KHDRBS2: variants seen among roughly 807,000 people sequenced by gnomAD.
The protein encoded by KHDRBS2 is KH RNA binding domain containing, signal transduction associated 2.
Under a neutral mutation model 44.3 loss-of-function variants are expected in KHDRBS2, and 26 were observed. That is an observed-to-expected ratio of 0.59 (90% CI 0.43 to 0.81). KHDRBS2 has a LOEUF of 0.81. Among genes scored for constraint, KHDRBS2 ranks in the 40% least tolerant of loss-of-function variants. The pLI is 0.00. For synonymous variants in KHDRBS2, 194 were observed against 151.1 expected (o/e 1.28, Z -2.08); for missense variants, 476 against 433.1 (o/e 1.10, Z -0.88).
intron 7 of KHDRBS2, among the ~76,000 whole-genome samples, chr6:61,724,246 AT>A (rs1773176105): frequency 6.6e-6 from 1 of 152,124 alleles, no homozygotes; most frequent in Admixed American, 6.6e-5. Context: ...AAATAAGATC[AT>A]TTTCAGACAA....
rs557769954 is a variant in KHDRBS2 at position 61,880,329 on chromosome 6, C to T, written c.810+14306G>A. On this transcript the variant is annotated intron_variant, in intron 6 of 8. Coordinates refer to ENST00000281156, the MANE Select transcript of KHDRBS2 (RefSeq NM_152688.4). Reference sequence around the variant, plus strand: ...TGGAGGAAAATTGTTAATTTGGGAGCAAATTTTAATGGAGGAGATTGCATT... The same window carrying T: ...TGGAGGAAAATTGTTAATTTGGGAGTAAATTTTAATGGAGGAGATTGCATT... 2.0e-5 allele frequency among the ~76,000 whole-genome samples: 3 copies of T among 151,800 alleles called. No individual in the cohort carries two copies. In the South Asian group the frequency reaches 6.2e-4, roughly 32 times the overall value.
intron 6 of KHDRBS2, among the ~76,000 whole-genome samples, chr6:61,772,620 T>C (rs1037240433): frequency 6.6e-6 from 1 of 152,028 alleles, no homozygotes; most frequent in Admixed American, 6.6e-5. Context: ...CAGGAAGAAG[T>C]TGATTCTCTT....
chr6:61,770,827 T>G (rs1780759140), intron 6 of KHDRBS2, among the ~76,000 whole-genome samples: 1 of 151,944 alleles, frequency 6.6e-6, no homozygotes, highest in Admixed American at 6.6e-5. Flanking sequence ...ATTCAGGAAA[T>G]ACAGAGAACG....
intron 1 of KHDRBS2, among the ~76,000 whole-genome samples, chr6:62,218,355 A>G (rs1415151916): frequency 6.6e-6 from 1 of 151,852 alleles, no homozygotes; most frequent in African/African-American, 2.4e-5. Context: ...TCTTAGACAT[A>G]TAATTATTTC....
intron 3 of KHDRBS2, among the ~76,000 whole-genome samples, chr6:62,029,154 C>A (rs1385373250): frequency 6.6e-6 from 1 of 151,836 alleles, no homozygotes; most frequent in Admixed American, 6.6e-5. Flanking sequence ...TTTTATATAA[C>A]AATTATCTAA....
intron 6 of KHDRBS2, among the ~76,000 whole-genome samples, chr6:61,783,018 G>T (rs1252846283): frequency 6.6e-6 from 1 of 151,880 alleles, no homozygotes; most frequent in Non-Finnish European, 1.5e-5. Flanking sequence ...AAGGGGTGAG[G>T]ATGTATACTG....
intron 4 of KHDRBS2, among the ~76,000 whole-genome samples, chr6:61,915,578 T>G (rs866329065): frequency 1.3e-5 from 2 of 152,016 alleles, no homozygotes; most frequent in Admixed American, 6.6e-5. Context: ...ATATAATAAT[T>G]TATTCATAAA....
At position 62,081,249 on chromosome 6, in the gene KHDRBS2, G is replaced by A. The variant is rs188032005; in HGVS notation, c.220-33255C>T. ...TGCTAAAAGATACAGTACAATAATC[G>A]GAAAATGAATATAATAATGAAGTTT... is the stretch of plus-strand genomic sequence containing the variant. On this transcript the variant is annotated intron_variant, in intron 2 of 8. Transcript: ENST00000281156. Among the ~76,000 whole-genome samples, 23 of 152,110 alleles carry A rather than the reference G, an allele frequency of 1.5e-4. 1 individual carries two copies. Among genetic ancestry groups the A allele is most frequent in the African/African-American group, 4.3e-4 (18 of 41,510 alleles).
intron 2 of KHDRBS2, among the ~76,000 whole-genome samples, chr6:62,147,422 G>C (rs1287344555): frequency 6.6e-6 from 1 of 151,850 alleles, no homozygotes; most frequent in Non-Finnish European, 1.5e-5. Context: ...CAGAGAAAGA[G>C]AAAACATACC....
At chr6:61,995,417 G>T (rs574116406) in intron 3 of KHDRBS2, among the ~76,000 whole-genome samples, 15 of 152,296 alleles carry the variant, frequency 9.8e-5, no homozygotes, top group African/African-American at 3.6e-4. Flanking sequence ...TATTGGCTCA[G>T]CTAGGCTTTG....
intron 2 of KHDRBS2, among the ~76,000 whole-genome samples, chr6:62,159,443 T>A (rs1309927133): frequency 6.6e-6 from 1 of 152,134 alleles, no homozygotes; most frequent in Non-Finnish European, 1.5e-5. Context: ...CTGTGACAGG[T>A]CCCTGGAAAT....
intron 2 of KHDRBS2, among the ~76,000 whole-genome samples, chr6:62,121,429 G>A (rs545426779): frequency 6.6e-6 from 1 of 152,328 alleles, no homozygotes; most frequent in Non-Finnish European, 1.5e-5. Context: ...GATAATGACA[G>A]TACATTATAA....
chr6:61,676,801 A>G (rs1276478192), downstream of KHDRBS2, among the ~76,000 whole-genome samples: 1 of 151,788 alleles, frequency 6.6e-6, no homozygotes, highest in Non-Finnish European at 1.5e-5. Context: ...GATAAGTGAC[A>G]CAGTGTATAG....
At chr6:61,921,273 C>T (rs956778802) in intron 4 of KHDRBS2, among the ~76,000 whole-genome samples, 1 of 151,870 alleles carries the variant, frequency 6.6e-6, no homozygotes, top group African/African-American at 2.4e-5. Context: ...AGAATAAATG[C>T]TAAATTGTAC....
intron 1 of KHDRBS2, among the ~76,000 whole-genome samples, chr6:62,274,411 C>T (rs1840583973): frequency 6.6e-6 from 1 of 152,114 alleles, no homozygotes; most frequent in Admixed American, 6.5e-5. Flanking sequence ...TTGCTTGTAG[C>T]ATAAAATCCA....
At chr6:61,599,788 T>C in the KHDRBS2 span, among the ~76,000 whole-genome samples, 1 of 152,200 alleles carries the variant, frequency 6.6e-6, no homozygotes, top group Non-Finnish European at 1.5e-5. Flanking sequence ...CTGATGACTC[T>C]GTTCCCAGTC....
intron 4 of KHDRBS2, among the ~76,000 whole-genome samples, chr6:61,929,761 T>C (rs1298592857): frequency 1.3e-5 from 2 of 152,164 alleles, no homozygotes; most frequent in African/African-American, 4.8e-5. Flanking sequence ...GATATTATTT[T>C]CCTTCAACAA....
chr6:62,140,727 T>C (rs1812633566), intron 2 of KHDRBS2, among the ~76,000 whole-genome samples: 1 of 152,176 alleles, frequency 6.6e-6, no homozygotes, highest in African/African-American at 2.4e-5. Flanking sequence ...GGATTAAGAA[T>C]GTAACTCTGA....
At chr6:62,251,505 T>C (rs1585426751) in intron 1 of KHDRBS2, among the ~76,000 whole-genome samples, 1 of 151,710 alleles carries the variant, frequency 6.6e-6, no homozygotes, top group East Asian at 1.9e-4. Flanking sequence ...ACATAGACTG[T>C]AAATGGCAGA....
Sources: allele counts gnomAD v4.1 joint callset (sites outside exome capture counted in the v4.1 genomes callset), GRCh38; gene constraint gnomAD v4.1.1; transcripts MANE v1.5; gene names NCBI Gene and HGNC (gene_info 2026-07-23, HGNC 2026-07-21).